Variants in CNTN4 observed in about 807,000 individuals in gnomAD.
The protein encoded by CNTN4 is contactin 4.
In CNTN4, 77 loss-of-function variants were observed where a neutral mutation model predicts 122.5. That is an observed-to-expected ratio of 0.63 (90% CI 0.52 to 0.76). The LOEUF (loss-of-function observed/expected upper bound fraction) is 0.76. CNTN4 is among the 30% of genes least tolerant of loss of function. The pLI is 0.00. For synonymous variants in CNTN4, 512 were observed against 447.0 expected, an observed-to-expected ratio of 1.15 and a Z score of -1.83; for missense variants, 1,256 against 1,259.1, an observed-to-expected ratio of 1.00 and a Z score of 0.04.
At chr3:2,247,747 G>A (rs1176123150) in intron 2 of CNTN4, among the ~76,000 whole-genome samples, 1 of 151,808 alleles carries the variant, frequency 6.6e-6, no homozygotes, top group African/African-American at 2.4e-5. Context: ...TTATATTTTG[G>A]GGAACAAATA....
intron 13 of CNTN4, among the ~76,000 whole-genome samples, chr3:2,978,491 G>C (rs1378372208): frequency 1.3e-5 from 2 of 152,210 alleles, no homozygotes; most frequent in South Asian, 2.1e-4. Context: ...CAGCCTATTG[G>C]TGCCCTAAGG....
At chr3:2,112,006 G>A (rs2032997943) in intron 2 of CNTN4, among the ~76,000 whole-genome samples, 1 of 152,122 alleles carries the variant, frequency 6.6e-6, no homozygotes, top group African/African-American at 2.4e-5. Context: ...TCCTCTCTGT[G>A]TGGAGACAGA....
chr3:2,206,124 C>G (rs1257348664), intron 2 of CNTN4, among the ~76,000 whole-genome samples: 12 of 152,032 alleles, frequency 7.9e-5, no homozygotes, highest in Non-Finnish European at 1.5e-4. Flanking sequence ...TTCTCCTCTT[C>G]TATTTCTTAC....
chr3:2,678,469 C>G (rs1463158889), intron 4 of CNTN4, among the ~76,000 whole-genome samples: 2 of 152,110 alleles, frequency 1.3e-5, no homozygotes, highest in African/African-American at 4.8e-5. Flanking sequence ...TTATCTTCCC[C>G]TTTTAGTTAT....
At chr3:2,721,591 A>ATG (rs1175255401) in intron 4 of CNTN4, among the ~76,000 whole-genome samples, 26 of 151,968 alleles carry the variant, frequency 1.7e-4, no homozygotes, top group Non-Finnish European at 3.1e-4. Context: ...GTGTGAGTGT[A>ATG]TGTGTGTGTG....
chr3:2,525,681 G>C (rs1452895286), intron 3 of CNTN4, among the ~76,000 whole-genome samples: 1 of 152,064 alleles, frequency 6.6e-6, no homozygotes, highest in East Asian at 1.9e-4. Context: ...CATTTAGTAA[G>C]TATTATTACT....
Position 2,439,917 on chromosome 3 carries a change from G to GA in CNTN4, c.-89+100692dup, listed in dbSNP as rs200200762. Among the ~76,000 whole-genome samples, 1,124 of 151,768 alleles carry GA rather than the reference G, an allele frequency of 7.4e-3. 26 individuals carry two copies. The highest frequency in any genetic ancestry group is 0.026 in the African/African-American group (1,062 of 41,416). On this transcript the variant is annotated intron_variant, in intron 3 of 24. Transcript: ENST00000418658. Reference sequence around the variant, plus strand: ...GACCATTTTAAAAGCAGTGCCTTTTGAAAAAAAATCTTTGGGAGTAAATTT... The same window carrying GA: ...GACCATTTTAAAAGCAGTGCCTTTTGAAAAAAAAATCTTTGGGAGTAAATTT...
At chr3:2,289,166 T>C (rs993848501) in intron 2 of CNTN4, among the ~76,000 whole-genome samples, 1 of 152,176 alleles carries the variant, frequency 6.6e-6, no homozygotes, top group African/African-American at 2.4e-5. Flanking sequence ...TTTAGAAATA[T>C]TTTAGAAATA....
rs2088959811 is a variant in CNTN4 at position 2,734,756 on chromosome 3, G to A, written c.56-1459G>A. On this transcript the variant is annotated intron_variant, in intron 4 of 24. Coordinates refer to ENST00000418658, the MANE Select transcript of CNTN4 (RefSeq NM_175607.3). The stretch of plus-strand genomic sequence containing the variant: ...TTTATTCTTTTTTCTCAGCACTGAT[G>A]CACCTGAATGAATTCAGTCTCATCC... Among the ~76,000 whole-genome samples, 4 of 149,148 alleles carry A rather than the reference G, an allele frequency of 2.7e-5. No individual in the cohort carries two copies. The South Asian group carries it at 8.4e-4, about 31-fold the overall frequency.
chr3:2,285,255 T>A (rs901181386), intron 2 of CNTN4, among the ~76,000 whole-genome samples: 1 of 151,902 alleles, frequency 6.6e-6, no homozygotes, highest in African/African-American at 2.4e-5. Flanking sequence ...ATTTAAGGAG[T>A]TCTTAATCGC....
At chr3:2,362,691 G>T (rs2150559506) in intron 3 of CNTN4, 1 of 362,230 alleles carries the variant, frequency 2.8e-6, no homozygotes, top group Non-Finnish European at 5.3e-6. Flanking sequence ...ATCCGTAAAT[G>T]ACCTGCACAT....
chr3:2,793,467 A>C (rs2092075296), intron 6 of CNTN4, among the ~76,000 whole-genome samples: 1 of 152,020 alleles, frequency 6.6e-6, no homozygotes, highest in African/African-American at 2.4e-5. Flanking sequence ...TTTGAGTTTT[A>C]CTGGATTTTT....
chr3:2,435,237 T>C (rs563045313), intron 3 of CNTN4, among the ~76,000 whole-genome samples: 89 of 152,260 alleles, frequency 5.8e-4, no homozygotes, highest in Middle Eastern at 6.8e-3. Flanking sequence ...CTGCGAGGAA[T>C]TGCTTCCAGG....
intron 3 of CNTN4, among the ~76,000 whole-genome samples, chr3:2,439,608 CTCTT>C (rs2048363854): frequency 6.6e-6 from 1 of 151,952 alleles, no homozygotes; most frequent in Non-Finnish European, 1.5e-5. Flanking sequence ...GTGTTCCTCT[CTCTT>C]TCTGTCTCTG....
chr3:2,966,830 A>G lies in CNTN4; in HGVS notation c.1359-21515A>G, dbSNP rs1015452083. Among the ~76,000 whole-genome samples, 3 of 152,246 alleles carry G rather than the reference A, an allele frequency of 2.0e-5. No individual in the cohort carries two copies. In the East Asian group the frequency reaches 5.8e-4, roughly 29 times the overall value. ...AAAAGGCATTGTATCTTCTCTACATAGACAGATTATTTTAATCAGCCAAAT... is the reference window on the plus strand; with the variant it reads ...AAAAGGCATTGTATCTTCTCTACATGGACAGATTATTTTAATCAGCCAAAT... On this transcript the variant is annotated intron_variant, in intron 13 of 24. Coordinates refer to ENST00000418658, the MANE Select transcript of CNTN4 (RefSeq NM_175607.3).
At chr3:3,007,112 CT>C (rs200236785) in intron 14 of CNTN4, among the ~76,000 whole-genome samples, 2,926 of 152,308 alleles carry the variant, frequency 0.019, 39 homozygotes, top group Non-Finnish European at 0.027. Flanking sequence ...TAAATCATTA[CT>C]GTATATCTAC....
At chr3:2,339,813 A>G (rs1197573479) in intron 3 of CNTN4, among the ~76,000 whole-genome samples, 1 of 152,214 alleles carries the variant, frequency 6.6e-6, no homozygotes, top group African/African-American at 2.4e-5. Flanking sequence ...AAAACAATGG[A>G]AACTTATTCT....
chr3:2,962,170 C>T (rs1303021162), intron 13 of CNTN4, among the ~76,000 whole-genome samples: 1 of 152,182 alleles, frequency 6.6e-6, no homozygotes, highest in Non-Finnish European at 1.5e-5. Context: ...TCTCTTCTGC[C>T]AAAGACACTC....
intron 4 of CNTN4, among the ~76,000 whole-genome samples, chr3:2,639,588 C>A (rs1195944223): frequency 6.6e-6 from 1 of 152,274 alleles, no homozygotes; most frequent in Non-Finnish European, 1.5e-5. Context: ...TTAATAAATT[C>A]TTCAAGGGCA....
Sources: allele counts gnomAD v4.1 joint callset (sites outside exome capture counted in the v4.1 genomes callset), GRCh38; gene constraint gnomAD v4.1.1; transcripts MANE v1.5; gene names NCBI Gene and HGNC (gene_info 2026-07-23, HGNC 2026-07-21).